The following C6orf118 variants were observed in gnomAD, a reference collection of about 807,000 sequenced individuals.
C6orf118 encodes the protein chromosome 6 open reading frame 118.
C6orf118 carries 50 observed loss-of-function variants against 50.2 expected under a neutral mutation model. The observed-to-expected ratio is 1.00, with a 90% CI of 0.79 to 1.26. The LOEUF (loss-of-function observed/expected upper bound fraction) is 1.26, where lower values mean the gene tolerates loss of function less well. C6orf118 is among the 50% of genes most tolerant of loss of function. The probability of loss-of-function intolerance (pLI) is 0.00; values close to 1 mark genes in which losing one functional copy is unlikely to be tolerated. For synonymous variants in C6orf118, 239 were observed against 230.9 expected (o/e 1.03, Z -0.32); for missense variants, 641 against 578.7 (o/e 1.11, Z -1.10).
chr6:165,302,850 C>T (rs536900793), intron 1 of C6orf118, among the ~76,000 whole-genome samples: 1 of 152,292 alleles, frequency 6.6e-6, no homozygotes, highest in South Asian at 2.1e-4. Flanking sequence ...GCCTCCTCTG[C>T]AACATCAGAG....
chr6:165,295,062 G>T (rs951240789), intron 5 of C6orf118, among the ~76,000 whole-genome samples: 1 of 151,838 alleles, frequency 6.6e-6, no homozygotes, highest in African/African-American at 2.4e-5. Flanking sequence ...TTAATTATAC[G>T]TGAATTGGAC....
At chr6:165,301,318 C>G (rs1780524207) in intron 2 of C6orf118, among the ~76,000 whole-genome samples, 2 of 151,680 alleles carry the variant, frequency 1.3e-5, no homozygotes, top group South Asian at 4.2e-4. Flanking sequence ...GAACACTGCA[C>G]CGAGAGCACT....
intron 2 of C6orf118, among the ~76,000 whole-genome samples, chr6:165,300,922 A>G (rs1233518942): frequency 1.3e-5 from 2 of 151,852 alleles, no homozygotes; most frequent in African/African-American, 2.4e-5. Context: ...TTCTGTACAC[A>G]TGTGCTGCCT....
intron 5 of C6orf118, among the ~76,000 whole-genome samples, chr6:165,295,646 A>G (rs1316258340): frequency 1.8e-5 from 2 of 110,848 alleles, no homozygotes; most frequent in Non-Finnish European, 3.5e-5. Context: ...TTATTGATTT[A>G]TTGTTTTTTT....
intron 7 of C6orf118, among the ~76,000 whole-genome samples, chr6:165,289,185 AG>A: frequency 6.6e-6 from 1 of 151,196 alleles, no homozygotes; most frequent in East Asian, 1.9e-4. Flanking sequence ...AAAAAAAAAA[AG>A]AAAAAGAAAA....
chr6:165,281,486 C>T, intron 8 of C6orf118, 154 bp downstream of exon 8: 1 of 1,389,248 alleles, frequency 7.2e-7, no homozygotes, highest in Non-Finnish European at 9.4e-7. Context: ...CTTACTCCTG[C>T]CTCTCTTCAC....
chr6:165,281,760 T>C, intron 7 of C6orf118, 67 bp from the exon 8 acceptor site: 1 of 998,940 alleles, frequency 1.0e-6, no homozygotes, highest in Non-Finnish European at 1.4e-6. Flanking sequence ...TTTTTCTCTA[T>C]TTAACAAGAT....
chr6:165,296,250 GTT>G (rs56394079), intron 5 of C6orf118, among the ~76,000 whole-genome samples: 7,201 of 103,486 alleles, frequency 0.07, 690 homozygotes, highest in African/African-American at 0.22. Flanking sequence ...TTCGTTTTTT[GTT>G]TTTTTTTTTT....
intron 1 of C6orf118, among the ~76,000 whole-genome samples, chr6:165,309,292 G>T (rs1171489520): frequency 1.3e-5 from 2 of 152,080 alleles, no homozygotes; most frequent in Non-Finnish European, 2.9e-5. Context: ...TCCAACACAC[G>T]GCGCGTCCGT....
chr6:165,289,410 T>C (rs963235785), intron 7 of C6orf118, among the ~76,000 whole-genome samples: 2 of 152,310 alleles, frequency 1.3e-5, no homozygotes, highest in South Asian at 4.1e-4. Context: ...TTGAGTTATA[T>C]TCTACACAAT....
chr6:165,284,370 G>A (rs1424820256), intron 7 of C6orf118, among the ~76,000 whole-genome samples: 1 of 152,180 alleles, frequency 6.6e-6, no homozygotes, highest in African/African-American at 2.4e-5. Context: ...AAAGAGATGG[G>A]GAGAATGAAA....
At chr6:165,307,850 C>A (rs1583032616) in intron 1 of C6orf118, among the ~76,000 whole-genome samples, 1 of 152,218 alleles carries the variant, frequency 6.6e-6, no homozygotes, top group South Asian at 2.1e-4. Flanking sequence ...GAGTCCTGGG[C>A]TCCCCTCACA....
At chr6:165,307,152 C>T (rs1780765308) in intron 1 of C6orf118, among the ~76,000 whole-genome samples, 1 of 152,116 alleles carries the variant, frequency 6.6e-6, no homozygotes, top group Admixed American at 6.6e-5. Flanking sequence ...TAGTATTAAA[C>T]ATTTTTAAAC....
intron 5 of C6orf118, among the ~76,000 whole-genome samples, 181 bp downstream of exon 5, chr6:165,297,796 G>C (rs955752465): frequency 6.6e-6 from 1 of 152,182 alleles, no homozygotes. Context: ...ATACTTAGCA[G>C]AATGTCTTAG....
At chr6:165,292,994 A>G (rs532299708) in intron 6 of C6orf118, among the ~76,000 whole-genome samples, 2 of 152,336 alleles carry the variant, frequency 1.3e-5, no homozygotes, top group Admixed American at 1.3e-4. Flanking sequence ...TGGAGGGAAA[A>G]TGGCATTTCA....
At position 165,302,136 on chromosome 6, in the gene C6orf118, T is replaced by C. The variant is rs1444166892; in HGVS notation, c.186A>G (p.Gly62=). The C allele has an allele frequency of 7.4e-6, 12 of 1,613,820 alleles. No homozygotes were observed. Among genetic ancestry groups the C allele is most frequent in the Non-Finnish European group, 1.0e-5 (12 of 1,179,986 alleles). ...HREDVYLYIS[G]HLNPNKLYQP... The stretch of plus-strand genomic sequence containing the variant: ...GGTAGAGCTTGTTGGGGTTCAGGTG[T>C]CCAGAGATGTAGAGGTAGACGTCCT... Residue 62 remains glycine, a synonymous_variant, in exon 2 of 9, where the codon GGA becomes GGG. Transcript: ENST00000230301.
chr6:165,283,260 C>G (rs1022903763), intron 7 of C6orf118, among the ~76,000 whole-genome samples: 1 of 152,126 alleles, frequency 6.6e-6, no homozygotes, highest in African/African-American at 2.4e-5. Flanking sequence ...CGCTCCCAGC[C>G]AAGGGAGGCA....
intron 5 of C6orf118, among the ~76,000 whole-genome samples, chr6:165,297,130 CA>C (rs368251189): frequency 5.3e-5 from 8 of 152,172 alleles, no homozygotes; most frequent in African/African-American, 1.4e-4. Flanking sequence ...ACCTTAAGAC[CA>C]AATTGGAGGC....
chr6:165,301,459 G>A lies in C6orf118; in HGVS notation c.753+110C>T, dbSNP rs577774221. ...AACACTGCCCCAAGAGCTATGCCCCGGAGCTCTGCCCCGAGAGGTTTGCCC... is the reference window on the plus strand; with the variant it reads ...AACACTGCCCCAAGAGCTATGCCCCAGAGCTCTGCCCCGAGAGGTTTGCCC... On this transcript the variant is annotated intron_variant, in intron 2 of 8. Transcript: ENST00000230301. 87 of 1,414,182 alleles carry A rather than the reference G, an allele frequency of 6.2e-5. No homozygotes were observed. In the Middle Eastern group the frequency reaches 2.1e-3, roughly 35 times the overall value. The allele number at this position is 1,414,182 out of a possible 1,614,324, so 87.6% of individuals were successfully genotyped here. A position where few individuals can be genotyped will look rare whatever the true frequency, so the allele number is the denominator to read the frequency against.
Sources: gnomAD v4.1 joint callset for allele counts (sites outside exome capture counted in the v4.1 genomes callset) on GRCh38, gnomAD v4.1.1 for gene constraint, MANE v1.5 for transcripts, NCBI Gene and HGNC (gene_info 2026-07-23, HGNC 2026-07-21) for gene names.